The following UBE4B variants were observed in gnomAD, a reference collection of about 807,000 sequenced individuals.
UBE4B encodes ubiquitination factor E4B.
A neutral mutation model predicts 148.1 loss-of-function variants in UBE4B; 27 were observed. The observed-to-expected ratio is 0.18, with a 90% CI of 0.13 to 0.25. The LOEUF is 0.25. Among genes scored for constraint, UBE4B ranks in the 10% least tolerant of loss-of-function variants. UBE4B has a pLI of 1.00. For synonymous variants in UBE4B, 596 were observed against 619.3 expected, an observed-to-expected ratio of 0.96 and a Z score of 0.56; for missense variants, 1,170 against 1,662.4, an observed-to-expected ratio of 0.70 and a Z score of 5.15.
At position 10,135,168 on chromosome 1, in the gene UBE4B, G is replaced by T. The variant is rs1324035208; in HGVS notation, c.2206G>T (p.Asp736Tyr). ...RVNATMEDVN[D>Y]WLTELYGDQP... The stretch of plus-strand genomic sequence containing the variant: ...GAATGCAACGATGGAAGATGTGAAT[G>T]ACTGGCTGACTGAACTCTGTGAGTA... The change falls in exon 16 of 28, where the codon GAC (aspartate) becomes TAC (tyrosine). Residue 736 changes from aspartate to tyrosine, a missense_variant. Physicochemically the swap from Asp to Tyr is radical, Grantham distance 160. Transcript: ENST00000343090. 3 of 1,613,588 alleles carry T rather than the reference G, an allele frequency of 1.9e-6. No individual in the cohort carries two copies. The highest frequency in any genetic ancestry group is 2.5e-6 in the Non-Finnish European group (3 of 1,179,762).
At chr1:10,138,897 A>T (rs981616110) in intron 17 of UBE4B, among the ~76,000 whole-genome samples, 2 of 152,200 alleles carry the variant, frequency 1.3e-5, no homozygotes, top group South Asian at 2.1e-4. Flanking sequence ...GAATTATATC[A>T]GTTGGTTTTC....
intron 1 of UBE4B, chr1:10,054,457 A>T: frequency 2.4e-6 from 1 of 410,282 alleles, no homozygotes; most frequent in Non-Finnish European, 4.7e-6. Flanking sequence ...ATGAATTCAT[A>T]GGTAATAGGT....
chr1:10,101,206 G>A lies in UBE4B; in HGVS notation c.435+11G>A, dbSNP rs41280790. 2.4e-3 allele frequency: 3,801 copies of A among 1,613,076 alleles called. 13 individuals are homozygous for A. The highest frequency in any genetic ancestry group is 2.4e-3 in the Non-Finnish European group (2,858 of 1,179,068). On this transcript the variant is annotated intron_variant, in intron 4 of 27. Transcript: ENST00000343090. ...AGCCTCAGTGATAAGGTTGGTAAGC[G>A]ATGAAGCCCTTGGTACAGGTAATAG...
At chr1:10,058,185 A>G (rs2101806742) in intron 1 of UBE4B, among the ~76,000 whole-genome samples, 1 of 152,316 alleles carries the variant, frequency 6.6e-6, no homozygotes, top group Non-Finnish European at 1.5e-5. Flanking sequence ...TAAGTCCTGG[A>G]CATAGTCATG....
At chr1:10,118,270 C>A (rs182479772) in intron 8 of UBE4B, among the ~76,000 whole-genome samples, 1 of 152,254 alleles carries the variant, frequency 6.6e-6, no homozygotes, top group African/African-American at 2.4e-5. Context: ...TTGTAAAGGG[C>A]CTTCTTTGGG....
intron 1 of UBE4B, among the ~76,000 whole-genome samples, chr1:10,048,302 T>C (rs1219790618): frequency 6.6e-6 from 1 of 152,190 alleles, no homozygotes; most frequent in Non-Finnish European, 1.5e-5. Context: ...TTTGAACATA[T>C]TATGAATATG....
chr1:10,060,602 CAAAAG>C lies in UBE4B; in HGVS notation c.25-11421_25-11417del, dbSNP rs138485457. 7.0e-3 allele frequency among the ~76,000 whole-genome samples: 1,060 copies of C among 152,186 alleles called. 16 individuals are homozygous for C. The highest frequency in any genetic ancestry group is 0.025 in the African/African-American group (1,023 of 41,532). On this transcript the variant is annotated intron_variant, in intron 1 of 27. Coordinates refer to ENST00000343090, the MANE Select transcript of UBE4B (RefSeq NM_001105562.3). ...GGCATTTTCCTTTACCAAAACAAAA[CAAAAG>C]AAAATAAAAACCTTTCTGGGGTTCT...
chr1:10,159,416 T>C (rs1458936862), intron 22 of UBE4B, among the ~76,000 whole-genome samples: 1 of 152,210 alleles, frequency 6.6e-6, no homozygotes, highest in African/African-American at 2.4e-5. Flanking sequence ...CTCATGCCTG[T>C]AATCCCAGCA....
At position 10,090,264 on chromosome 1, in the gene UBE4B, C is replaced by T. The variant is rs1265862871; in HGVS notation, c.212-5197C>T. ...CTTCCTGAGTAGGTGGGACTACAGG[C>T]GCATACCATCACGCTTGGCTCATTT... is the stretch of plus-strand genomic sequence containing the variant. On this transcript the variant is annotated intron_variant, in intron 2 of 27. Transcript: ENST00000343090. Among the ~76,000 whole-genome samples the T allele has an allele frequency of 2.0e-5, 3 of 152,030 alleles. No homozygotes were observed. The South Asian group carries it at 6.2e-4, about 31-fold the overall frequency.
At chr1:10,090,987 T>A (rs564774724) in intron 2 of UBE4B, among the ~76,000 whole-genome samples, 30 of 152,328 alleles carry the variant, frequency 2.0e-4, no homozygotes, top group African/African-American at 6.7e-4. Context: ...TCTTCCCACA[T>A]AGAATGCATA....
In UBE4B at chr1:10,179,979, G is replaced by A; in HGVS notation, c.*23G>A. 1 of 1,613,964 alleles carries A rather than the reference G, an allele frequency of 6.2e-7. No individual in the cohort carries two copies. Among genetic ancestry groups the A allele is most frequent in the Non-Finnish European group, 8.5e-7 (1 of 1,180,018 alleles). On this transcript the variant is annotated 3_prime_UTR_variant, in exon 28 of 28. Transcript: ENST00000343090. ...TAAACCGTTCCGCCGCCCACCCTCT[G>A]CTAGACACAGCCAAGGCCAACGAGG...
chr1:10,151,764 T>C (rs78193965), intron 21 of UBE4B, among the ~76,000 whole-genome samples: 1 of 152,146 alleles, frequency 6.6e-6, no homozygotes, highest in African/African-American at 2.4e-5. Flanking sequence ...TTCCACCTAC[T>C]GGTCTCTGAT....
At chr1:10,156,965 T>A (rs1371589677) in intron 21 of UBE4B, among the ~76,000 whole-genome samples, 2 of 151,940 alleles carry the variant, frequency 1.3e-5, no homozygotes, top group African/African-American at 4.8e-5. Context: ...GGCAGGAATT[T>A]GAAACCAGCC....
intron 1 of UBE4B, among the ~76,000 whole-genome samples, chr1:10,051,116 C>T (rs766572820): frequency 8.6e-4 from 131 of 152,234 alleles, no homozygotes; most frequent in Admixed American, 1.5e-3. Context: ...AGATGATTTT[C>T]CCGCCTCAGC....
chr1:10,137,966 G>A (rs1161728133), intron 17 of UBE4B, among the ~76,000 whole-genome samples: 4 of 110,310 alleles, frequency 3.6e-5, no homozygotes, highest in African/African-American at 1.1e-4. Context: ...ACGGAGTCTC[G>A]CTCTGTTGCC....
intron 1 of UBE4B, among the ~76,000 whole-genome samples, chr1:10,042,571 C>T (rs1281445283): frequency 2.0e-5 from 3 of 152,140 alleles, no homozygotes; most frequent in Admixed American, 6.5e-5. Context: ...AGCTTGAACC[C>T]GGGAGGCAGG....
intron 23 of UBE4B, among the ~76,000 whole-genome samples, chr1:10,166,844 G>A (rs1483265394): frequency 6.6e-6 from 1 of 151,930 alleles, no homozygotes; most frequent in Non-Finnish European, 1.5e-5. Flanking sequence ...AGAATGGCTC[G>A]AACCCGGGAG....
chr1:10,147,365 T>C (rs1645891801), intron 19 of UBE4B, among the ~76,000 whole-genome samples: 1 of 152,006 alleles, frequency 6.6e-6, no homozygotes, highest in African/African-American at 2.4e-5. Flanking sequence ...TGGTGGCAGA[T>C]GCCTGCAGTC....
chr1:10,142,855 C>T (rs777675873), intron 17 of UBE4B, among the ~76,000 whole-genome samples: 3 of 151,774 alleles, frequency 2.0e-5, no homozygotes, highest in South Asian at 2.1e-4. Flanking sequence ...CCTGGTGTAT[C>T]GCAGCACTTT....
Sources: gnomAD v4.1 joint callset for allele counts (sites outside exome capture counted in the v4.1 genomes callset) on GRCh38, gnomAD v4.1.1 for gene constraint, MANE v1.5 for transcripts, NCBI Gene and HGNC (gene_info 2026-07-23, HGNC 2026-07-21) for gene names.